Variants in NCAM2 observed in about 807,000 individuals in gnomAD.
The protein encoded by NCAM2 is neural cell adhesion molecule 2.
NCAM2 carries 30 observed loss-of-function variants against 98.1 expected under a neutral mutation model. The ratio of observed to expected loss-of-function variants is 0.31; its 90% CI spans 0.23 to 0.41. NCAM2 has a LOEUF of 0.41. Ranked by LOEUF, NCAM2 falls within the 10% of genes least tolerant of loss-of-function variation. The pLI is 1.00. For synonymous variants in NCAM2, 368 were observed against 342.4 expected (o/e 1.07, Z -0.83); for missense variants, 867 against 1,005.8 (o/e 0.86, Z 1.87).
chr21:21,347,127 AGACT>A (rs1276710343), intron 8 of NCAM2, among the ~76,000 whole-genome samples: 1 of 152,026 alleles, frequency 6.6e-6, no homozygotes, highest in Non-Finnish European at 1.5e-5. Flanking sequence ...AGCTTTAGAC[AGACT>A]AAGAAACAAA....
chr21:21,112,835 A>G (rs139120826), intron 1 of NCAM2, among the ~76,000 whole-genome samples: 49 of 152,298 alleles, frequency 3.2e-4, no homozygotes, highest in Admixed American at 1.3e-3. Context: ...AATAACAAGT[A>G]TTATAGTAAA....
At chr21:21,410,194 A>G (rs1481082557) in intron 9 of NCAM2, 80 bp from the exon 10 acceptor site, 1 of 778,098 alleles carries the variant, frequency 1.3e-6, no homozygotes, top group African/African-American at 1.8e-5. Flanking sequence ...TACAGTAGAA[A>G]TAACTAATGC....
intron 1 of NCAM2, among the ~76,000 whole-genome samples, chr21:21,034,233 C>T (rs1034240125): frequency 3.3e-5 from 5 of 152,108 alleles, no homozygotes; most frequent in African/African-American, 9.7e-5. Flanking sequence ...ATGGCATAAT[C>T]GTCTCTATAT....
chr21:21,080,473 A>C (rs2146401170), intron 1 of NCAM2, among the ~76,000 whole-genome samples: 1 of 151,858 alleles, frequency 6.6e-6, no homozygotes. Flanking sequence ...AAAATTATTC[A>C]GGTGTGGTGA....
At chr21:21,166,680 G>T (rs2067963010) in intron 1 of NCAM2, among the ~76,000 whole-genome samples, 2 of 152,130 alleles carry the variant, frequency 1.3e-5, no homozygotes, top group Admixed American at 1.3e-4. Context: ...ATTATACATT[G>T]CTAGAGTTCC....
chr21:21,045,015 C>T (rs2064981207), intron 1 of NCAM2, among the ~76,000 whole-genome samples: 1 of 151,980 alleles, frequency 6.6e-6, no homozygotes, highest in African/African-American at 2.4e-5. Flanking sequence ...TATAAAAACA[C>T]AGATATATAA....
rs546561934 is a variant in NCAM2 at position 21,060,957 on chromosome 21, A to G, written c.55+62339A>G. ...CTAAGAAGAAAGGAAGAAGCCAAGGAAAGGTGGGCCTAAAATGAAGATTGT... is the reference window on the plus strand; with the variant it reads ...CTAAGAAGAAAGGAAGAAGCCAAGGGAAGGTGGGCCTAAAATGAAGATTGT... On this transcript the variant is annotated intron_variant, in intron 1 of 17. Transcript: ENST00000400546. 2.6e-5 allele frequency among the ~76,000 whole-genome samples: 4 copies of G among 152,274 alleles called. No individual in the cohort carries two copies. The South Asian group carries it at 8.3e-4, about 32-fold the overall frequency.
intron 15 of NCAM2, among the ~76,000 whole-genome samples, 162 bp downstream of exon 15, chr21:21,477,633 C>G (rs1309167901): frequency 1.3e-5 from 2 of 152,078 alleles, no homozygotes; most frequent in Non-Finnish European, 2.9e-5. Context: ...TCTCATCGCT[C>G]TTGCCATAGG....
At chr21:21,318,896 A>G (rs2074294805) in intron 5 of NCAM2, among the ~76,000 whole-genome samples, 1 of 152,220 alleles carries the variant, frequency 6.6e-6, no homozygotes, top group African/African-American at 2.4e-5. Flanking sequence ...TGTCAGCTTG[A>G]TAAAAGAAAC....
chr21:21,308,760 C>T (rs1375837839), intron 5 of NCAM2, among the ~76,000 whole-genome samples: 2 of 152,100 alleles, frequency 1.3e-5, no homozygotes, highest in African/African-American at 4.8e-5. Flanking sequence ...CTTGAATGTT[C>T]CAACTGATCT....
chr21:21,253,509 T>G (rs2071547005), intron 1 of NCAM2, among the ~76,000 whole-genome samples: 1 of 152,128 alleles, frequency 6.6e-6, no homozygotes, highest in African/African-American at 2.4e-5. Context: ...CCTTCCACAA[T>G]GCGAGGACAC....
intron 17 of NCAM2, 118 bp from the exon 18 acceptor site, chr21:21,537,728 A>G: frequency 4.2e-6 from 2 of 473,480 alleles, no homozygotes; most frequent in Non-Finnish European, 7.6e-6. Context: ...TATTTAGCAT[A>G]TATAAAATGT....
chr21:21,303,441 C>T (rs1219087366), intron 5 of NCAM2, among the ~76,000 whole-genome samples: 3 of 151,870 alleles, frequency 2.0e-5, no homozygotes, highest in East Asian at 1.9e-4. Context: ...TATGTTATCC[C>T]ATGCCATAAT....
intron 1 of NCAM2, among the ~76,000 whole-genome samples, chr21:21,197,308 T>G (rs1330764473): frequency 6.6e-6 from 1 of 152,056 alleles, no homozygotes; most frequent in African/African-American, 2.4e-5. Flanking sequence ...TTTGGTATTT[T>G]TAGTAGAGAT....
In NCAM2 at chr21:21,035,446, A is replaced by G. The variant is rs76213982; in HGVS notation, c.55+36828A>G. 7.7e-3 allele frequency among the ~76,000 whole-genome samples: 1,177 copies of G among 152,332 alleles called. 15 individuals are homozygous for G. Among genetic ancestry groups the G allele is most frequent in the African/African-American group, 0.026 (1,083 of 41,584 alleles). On this transcript the variant is annotated intron_variant, in intron 1 of 17. Transcript: ENST00000400546. ...ATACTTTACCCAATTGCTATAAACT[A>G]TAAATAGCTTAAAAGAAAAGCCTAA...
chr21:21,069,385 A>G (rs529841434), intron 1 of NCAM2, among the ~76,000 whole-genome samples: 1 of 152,222 alleles, frequency 6.6e-6, no homozygotes, highest in Non-Finnish European at 1.5e-5. Flanking sequence ...TGCGTTAGCT[A>G]TCAACATCAT....
chr21:21,130,051 T>C (rs1451788871), intron 1 of NCAM2, among the ~76,000 whole-genome samples: 1 of 152,164 alleles, frequency 6.6e-6, no homozygotes, highest in African/African-American at 2.4e-5. Context: ...ACCTCTCTTC[T>C]TACTCTAAAT....
intron 1 of NCAM2, among the ~76,000 whole-genome samples, chr21:21,126,951 A>C (rs113610496): frequency 0.017 from 2,522 of 152,042 alleles, 70 homozygotes; most frequent in African/African-American, 0.058. Context: ...GTAGAAGTTA[A>C]AAAAACTGCA....
At chr21:21,470,148 G>T (rs1602435036) in intron 14 of NCAM2, among the ~76,000 whole-genome samples, 2 of 152,110 alleles carry the variant, frequency 1.3e-5, no homozygotes, top group East Asian at 3.9e-4. Flanking sequence ...GTCAGTAGTG[G>T]CCCCAGTCAT....
Sources: allele counts gnomAD v4.1 joint callset (sites outside exome capture counted in the v4.1 genomes callset), GRCh38; gene constraint gnomAD v4.1.1; transcripts MANE v1.5; gene names NCBI Gene and HGNC (gene_info 2026-07-23, HGNC 2026-07-21).